EIF2S1: variants seen among roughly 807,000 people sequenced by gnomAD.
The protein encoded by EIF2S1 is eukaryotic translation initiation factor 2 subunit 1.
In EIF2S1, 5 loss-of-function variants were observed where a neutral mutation model predicts 33.5. That is an observed-to-expected ratio of 0.15 (90% CI 0.08 to 0.31). The LOEUF (loss-of-function observed/expected upper bound fraction) is 0.31. Ranked by LOEUF, EIF2S1 falls within the 10% of genes least tolerant of loss-of-function variation. EIF2S1 has a pLI of 1.00. For missense variants in EIF2S1, 191 were observed against 384.6 expected, an observed-to-expected ratio of 0.50 and a Z score of 4.21; for synonymous variants, 99 against 127.5, an observed-to-expected ratio of 0.78 and a Z score of 1.51.
In EIF2S1 at chr14:67,374,405, G is replaced by A. The variant is rs1595647709; in HGVS notation, c.242-63G>A. On this transcript the variant is annotated intron_variant, in intron 2 of 7. Transcript: ENST00000256383. ...TCAAACACTTAATTTGGTCTTCAAA[G>A]CTGGTTACAATAGTACAGTGGCATC... 7.2e-6 allele frequency: 7 copies of A among 972,194 alleles called. No homozygotes were observed. The East Asian group carries it at 1.9e-4, about 26-fold the overall frequency. The allele number at this position is 972,194 out of a possible 1,614,324, so 60.2% of individuals were successfully genotyped here.
intron 7 of EIF2S1, among the ~76,000 whole-genome samples, chr14:67,383,024 GA>G (rs1313717744): frequency 6.6e-6 from 1 of 152,072 alleles, no homozygotes; most frequent in African/African-American, 2.4e-5. Flanking sequence ...TTGTGGTCTT[GA>G]AAGATACAGC....
chr14:67,382,317 G>A (rs2085891563), intron 6 of EIF2S1, 130 bp from the exon 7 acceptor site: 1 of 745,826 alleles, frequency 1.3e-6, no homozygotes, highest in Non-Finnish European at 2.1e-6. Flanking sequence ...CTAAATTACT[G>A]TCCTGTAGAA....
chr14:67,365,034 T>C (rs374737409), intron 2 of EIF2S1, 26 bp downstream of exon 2: 23 of 1,553,450 alleles, frequency 1.5e-5, no homozygotes, highest in Middle Eastern at 1.7e-4. Context: ...ATCTGTAATA[T>C]AAATTTCAGA....
At chr14:67,378,314 C>CTTTTTT (rs34487632) in intron 4 of EIF2S1, among the ~76,000 whole-genome samples, 2 of 107,626 alleles carry the variant, frequency 1.9e-5, no homozygotes, top group Non-Finnish European at 3.8e-5. Flanking sequence ...TCTCATGTGA[C>CTTTTTT]TTTTTTTTTT....
At position 67,385,636 on chromosome 14, in the gene EIF2S1, T is replaced by C. The variant is rs994806059; in HGVS notation, c.*2196T>C. 21 of 150,534 alleles carry C rather than the reference T, an allele frequency of 1.4e-4. No individual in the cohort carries two copies. The highest frequency in any genetic ancestry group is 1.2e-3 in the Admixed American group (18 of 15,070). 9.3% of individuals were successfully genotyped at this position (150,534 alleles called of 1,614,324 possible). ...AATCAGTAATGGCCAGGAAGAAATA[T>C]GAATATTCAAACCACTTTTTTCTTT... On this transcript the variant is annotated 3_prime_UTR_variant, in exon 8 of 8. Transcript: ENST00000256383.
At chr14:67,376,245 T>G (rs1417212115) in intron 3 of EIF2S1, among the ~76,000 whole-genome samples, 194 bp from the exon 4 acceptor site, 1 of 152,230 alleles carries the variant, frequency 6.6e-6, no homozygotes. Context: ...CTGTCAAGAC[T>G]TGATCCAGGT....
chr14:67,379,855 C>T (rs1414361244), intron 4 of EIF2S1, among the ~76,000 whole-genome samples: 2 of 151,620 alleles, frequency 1.3e-5, no homozygotes, highest in African/African-American at 4.9e-5. Context: ...GAGGTTTCAC[C>T]GTTTTAGCCG....
chr14:67,386,237 T>TCTC lies in EIF2S1; in HGVS notation c.*2798_*2800dup, dbSNP rs1316021596. On this transcript the variant is annotated 3_prime_UTR_variant, in exon 8 of 8. Coordinates refer to ENST00000256383, the MANE Select transcript of EIF2S1 (RefSeq NM_004094.5). Reference sequence around the variant, plus strand: ...TGGAAAATGGTGCTTTAAAAGGTAGTCTCTTACCATATAAGGAATAAGTAA... The same window carrying TCTC: ...TGGAAAATGGTGCTTTAAAAGGTAGTCTCCTCTTACCATATAAGGAATAAGTAA... The TCTC allele has an allele frequency of 6.6e-6, 1 of 152,658 alleles. No individual in the cohort carries two copies. Among genetic ancestry groups the TCTC allele is most frequent in the African/African-American group, 2.4e-5 (1 of 41,452 alleles). 9.5% of individuals were successfully genotyped at this position (152,658 alleles called of 1,614,324 possible).
In EIF2S1 at chr14:67,383,623, C is replaced by T. The variant is rs2085902346; in HGVS notation, c.*183C>T. The T allele has an allele frequency of 4.0e-6, 3 of 752,306 alleles. No homozygotes were observed. The highest frequency in any genetic ancestry group is 2.3e-5 in the Admixed American group (1 of 43,820). The allele number at this position is 752,306 out of a possible 1,614,324, so 46.6% of individuals were successfully genotyped here. A position where few individuals can be genotyped will look rare whatever the true frequency, so the allele number is the denominator to read the frequency against. ...CTCCTAAATGTCAGCTGTTGTCACA[C>T]AGTAGCTCCAACACTTTGAGCATTT... On this transcript the variant is annotated 3_prime_UTR_variant, in exon 8 of 8. Coordinates refer to ENST00000256383, the MANE Select transcript of EIF2S1 (RefSeq NM_004094.5).
chr14:67,371,143 G>C (rs188434178), intron 2 of EIF2S1, among the ~76,000 whole-genome samples: 12 of 152,000 alleles, frequency 7.9e-5, no homozygotes, highest in Non-Finnish European at 1.5e-5. Flanking sequence ...GGCCAGGCAC[G>C]GTGGCTCACA....
chr14:67,367,225 A>G (rs1297396900), intron 2 of EIF2S1, among the ~76,000 whole-genome samples: 1 of 152,182 alleles, frequency 6.6e-6, no homozygotes. Flanking sequence ...TGCTAAAACA[A>G]AAAATCTATA....
At position 67,380,306 on chromosome 14, in the gene EIF2S1, C is replaced by T. The variant is rs538972495; in HGVS notation, c.474-353C>T. Among the ~76,000 whole-genome samples, 4 of 152,014 alleles carry T rather than the reference C, an allele frequency of 2.6e-5. No individual in the cohort carries two copies. In the South Asian group the frequency reaches 6.2e-4, roughly 24 times the overall value. On this transcript the variant is annotated intron_variant, in intron 4 of 7. Transcript: ENST00000256383. ...CCTGATGCCCACAGATGTACTGTTA[C>T]ATTTAAAAGTTTTTCCATGTTTTTT...
At chr14:67,382,220 T>C (rs980547131) in intron 6 of EIF2S1, among the ~76,000 whole-genome samples, 3 of 151,960 alleles carry the variant, frequency 2.0e-5, no homozygotes, top group African/African-American at 4.8e-5. Flanking sequence ...GTGAACTGTT[T>C]ATACTATTGC....
intron 3 of EIF2S1, among the ~76,000 whole-genome samples, chr14:67,375,078 A>G (rs554349166): frequency 6.6e-6 from 1 of 152,206 alleles, no homozygotes; most frequent in Non-Finnish European, 1.5e-5. Context: ...TGTTAGGATT[A>G]TTTCTTTTTG....
At chr14:67,381,761 T>TA in intron 6 of EIF2S1, 71 bp downstream of exon 6, 1 of 1,158,400 alleles carries the variant, frequency 8.6e-7, no homozygotes, top group South Asian at 1.4e-5. Context: ...GATCTTTGTT[T>TA]CTTTTTTTTT....
rs549783006 is a variant in EIF2S1 at position 67,370,365 on chromosome 14, A to G, written c.242-4103A>G. 5.2e-5 allele frequency among the ~76,000 whole-genome samples: 8 copies of G among 152,384 alleles called. No individual in the cohort carries two copies. In the South Asian group the frequency reaches 1.7e-3, roughly 32 times the overall value. On this transcript the variant is annotated intron_variant, in intron 2 of 7. Transcript: ENST00000256383. ...GTAGAAGAAAAGAAATAATAAGGAT[A>G]AGATAATCGGTGAAAATAGAGTACC... is the stretch of plus-strand genomic sequence containing the variant.
intron 7 of EIF2S1, among the ~76,000 whole-genome samples, chr14:67,382,908 C>CGTGTGT (rs58119639): frequency 3.5e-5 from 5 of 144,096 alleles, no homozygotes; most frequent in South Asian, 2.1e-4. Flanking sequence ...TGCGTGCGTG[C>CGTGTGT]GTGTGTGTGT....
chr14:67,366,417 A>G (rs1566610158), intron 2 of EIF2S1, among the ~76,000 whole-genome samples: 2 of 152,178 alleles, frequency 1.3e-5, no homozygotes, highest in Non-Finnish European at 2.9e-5. Flanking sequence ...GGAATCAAAT[A>G]TGTTTTTAGT....
chr14:67,378,114 C>G (rs1341636448), intron 4 of EIF2S1, among the ~76,000 whole-genome samples: 1 of 149,910 alleles, frequency 6.7e-6, no homozygotes, highest in Admixed American at 6.6e-5. Context: ...CAGAGTGAGA[C>G]CTTGTCTCTT....
Sources: gnomAD v4.1 joint callset for allele counts (sites outside exome capture counted in the v4.1 genomes callset) on GRCh38, gnomAD v4.1.1 for gene constraint, MANE v1.5 for transcripts, NCBI Gene and HGNC (gene_info 2026-07-23, HGNC 2026-07-21) for gene names.